Variants in PCDHGA12 observed in about 807,000 individuals in gnomAD.
PCDHGA12 encodes the protein protocadherin gamma subfamily A, 12, also known as protocadherin gamma-A12.
In PCDHGA12, 43 loss-of-function variants were observed where a neutral mutation model predicts 61.1. The observed-to-expected ratio is 0.70, with a 90% CI of 0.55 to 0.91. The LOEUF (loss-of-function observed/expected upper bound fraction) is 0.91, where lower values mean the gene tolerates loss of function less well. Ranked by LOEUF, PCDHGA12 falls within the 40% of genes least tolerant of loss-of-function variation. The pLI is 0.00. For synonymous variants in PCDHGA12, 520 were observed against 542.9 expected, an observed-to-expected ratio of 0.96 and a Z score of 0.59; for missense variants, 1,236 against 1,227.7, an observed-to-expected ratio of 1.01 and a Z score of -0.10.
At chr5:141,508,664 T>C (rs1381178258) in intron 3 of PCDHGA12, among the ~76,000 whole-genome samples, 1 of 152,030 alleles carries the variant, frequency 6.6e-6, no homozygotes, top group Non-Finnish European at 1.5e-5. Context: ...TGTCATTCTG[T>C]CTCTGCCTCC....
Position 141,464,284 on chromosome 5 carries a change from A to C in PCDHGA12, c.2425-30523A>C, listed in dbSNP as rs1237360752. ...CGTCTAAAAAAAAAAAAAAGCAAAA[A>C]AAAAAACTCCATTGTATGTGCACAT... On this transcript the variant is annotated intron_variant, in intron 1 of 3. Coordinates refer to ENST00000252085, the MANE Select transcript of PCDHGA12 (RefSeq NM_003735.3). 4.0e-5 allele frequency among the ~76,000 whole-genome samples: 6 copies of C among 151,546 alleles called. No individual in the cohort carries two copies. The South Asian group carries it at 1.0e-3, about 26-fold the overall frequency.
chr5:141,460,766 A>G (rs1370331016), intron 1 of PCDHGA12, among the ~76,000 whole-genome samples: 1 of 152,056 alleles, frequency 6.6e-6, no homozygotes, highest in Non-Finnish European at 1.5e-5. Flanking sequence ...TACATATTGC[A>G]TATGTATGTA....
chr5:141,491,284 A>C lies in PCDHGA12; in HGVS notation c.2425-3523A>C. ...AATGCCCAAATCCAGTGACTTCCTC[A>C]TACACCCTCCTGAGCGTTCAGACCT... On this transcript the variant is annotated intron_variant, in intron 1 of 3. Transcript: ENST00000252085. The surrounding 1 kb of genome is among the most constrained non-coding windows in gnomAD (Gnocchi z 6.9). 1.2e-6 allele frequency: 2 copies of C among 1,614,128 alleles called. No homozygotes were observed. The highest frequency in any genetic ancestry group is 1.7e-6 in the Non-Finnish European group (2 of 1,179,978).
At position 141,490,124 on chromosome 5, in the gene PCDHGA12, T is replaced by C. The variant is rs1216088470; in HGVS notation, c.2425-4683T>C. On this transcript the variant is annotated intron_variant, in intron 1 of 3. Transcript: ENST00000252085. The surrounding 1 kb of genome is among the most constrained non-coding windows in gnomAD (Gnocchi z 5.4). ...GAGGCAGTGCGGAACCTCTTTGGCCTAGACCCTAGCAGTGGGGCAATCCAT... is the reference window on the plus strand; with the variant it reads ...GAGGCAGTGCGGAACCTCTTTGGCCCAGACCCTAGCAGTGGGGCAATCCAT... 6.2e-7 allele frequency: 1 copy of C among 1,614,144 alleles called. No individual in the cohort carries two copies. Among genetic ancestry groups the C allele is most frequent in the Non-Finnish European group, 8.5e-7 (1 of 1,180,054 alleles).
In PCDHGA12 at chr5:141,505,471, G is replaced by A. The variant is rs766596231; in HGVS notation, c.2562G>A (p.Ala854=). The A allele has an allele frequency of 3.4e-5, 55 of 1,614,244 alleles. No individual in the cohort carries two copies. The highest frequency in any genetic ancestry group is 1.1e-4 in the East Asian group (5 of 44,880). ...AGATGCTGCAAGCCATGATCTTGGCGTCCGCCAGTGGTAAGTGGTGTCAGT... is the reference window on the plus strand; with the variant it reads ...AGATGCTGCAAGCCATGATCTTGGCATCCGCCAGTGGTAAGTGGTGTCAGT... ...DTEMLQAMIL[A]SASEAADGSS... Residue 854 remains alanine (A), a synonymous_variant, in exon 3 of 4, where the codon GCG becomes GCA. Coordinates refer to ENST00000252085, the MANE Select transcript of PCDHGA12 (RefSeq NM_003735.3).
At chr5:141,500,782 T>G (rs2099802612) in intron 2 of PCDHGA12, among the ~76,000 whole-genome samples, 2 of 152,222 alleles carry the variant, frequency 1.3e-5, no homozygotes, top group Admixed American at 1.3e-4. Context: ...ATATACATAT[T>G]ATTTTACAGA....
chr5:141,450,565 C>A (rs1024229182), intron 1 of PCDHGA12, among the ~76,000 whole-genome samples: 4 of 152,016 alleles, frequency 2.6e-5, no homozygotes, highest in African/African-American at 9.7e-5. Flanking sequence ...CGGCTCACTG[C>A]AACTTCTGCC....
Position 141,430,865 on chromosome 5 carries a change from C to G in PCDHGA12, c.106C>G (p.Pro36Ala). Residue 36 changes from proline to alanine, a missense_variant, in exon 1 of 4, where the codon CCG becomes GCG. By Grantham distance (27) the Pro-to-Ala change is conservative. Transcript: ENST00000252085. ...TGCTQIRYSV[P>A]EELEKGSRVG... ...ATGCACCCAGATACGCTATTCAGTT[C>G]CGGAAGAGCTGGAGAAAGGCTCTAG... is the stretch of plus-strand genomic sequence containing the variant. 6.3e-7 allele frequency: 1 copy of G among 1,595,350 alleles called. No homozygotes were observed. Among genetic ancestry groups the G allele is most frequent in the Non-Finnish European group, 8.5e-7 (1 of 1,172,194 alleles).
chr5:141,492,695 A>G (rs925499358), intron 1 of PCDHGA12, among the ~76,000 whole-genome samples: 14 of 152,214 alleles, frequency 9.2e-5, no homozygotes, highest in African/African-American at 3.1e-4. Context: ...CGACCCCTCA[A>G]CCCAGAAGCC....
chr5:141,434,073 A>G (rs1372471160), intron 1 of PCDHGA12, among the ~76,000 whole-genome samples: 2 of 152,058 alleles, frequency 1.3e-5, no homozygotes, highest in African/African-American at 4.8e-5. Flanking sequence ...GTTAATATCA[A>G]TTATTTATTT....
chr5:141,510,032 T>C (rs1410346284), intron 3 of PCDHGA12, among the ~76,000 whole-genome samples: 3 of 152,150 alleles, frequency 2.0e-5, no homozygotes, highest in Non-Finnish European at 4.4e-5. Flanking sequence ...GCTGGGCTGT[T>C]ATGTAGAGGT....
At chr5:141,492,952 C>T (rs1428667098) in intron 1 of PCDHGA12, among the ~76,000 whole-genome samples, 1 of 152,242 alleles carries the variant, frequency 6.6e-6, no homozygotes, top group Non-Finnish European at 1.5e-5. Context: ...GGTGACCAAA[C>T]TATCTGACAC....
At chr5:141,484,425 A>G (rs2099596309) in intron 1 of PCDHGA12, among the ~76,000 whole-genome samples, 3 of 152,192 alleles carry the variant, frequency 2.0e-5, no homozygotes, top group African/African-American at 7.2e-5. Flanking sequence ...TACAATGAGA[A>G]CATGTACTGC....
Position 141,489,138 on chromosome 5 carries a change from T to C in PCDHGA12, c.2425-5669T>C. 1.4e-6 allele frequency: 1 copy of C among 738,808 alleles called. No homozygotes were observed. The highest frequency in any genetic ancestry group is 3.0e-5 in the Admixed American group (1 of 33,014). The allele number at this position is 738,808 out of a possible 1,614,324, so 45.8% of individuals were successfully genotyped here. On this transcript the variant is annotated intron_variant, in intron 1 of 3. Transcript: ENST00000252085. This position sits in a 1 kb window ranked among gnomAD's most constrained non-coding sequence, Gnocchi z 4.5. ...AACCTCCGAGCAGTTTTTAAGAGGC[T>C]GGAAGGAGACATAAGAGACTTCAGC...
chr5:141,488,186 G>T (rs1005725656), intron 1 of PCDHGA12, among the ~76,000 whole-genome samples: 2 of 152,180 alleles, frequency 1.3e-5, no homozygotes, highest in South Asian at 2.1e-4. Context: ...AGATCTTTTG[G>T]TCTGGGTCTT....
rs1408248560 is a variant in PCDHGA12 at position 141,475,829 on chromosome 5, G to C, written c.2425-18978G>C. On this transcript the variant is annotated intron_variant, in intron 1 of 3. Coordinates refer to ENST00000252085, the MANE Select transcript of PCDHGA12 (RefSeq NM_003735.3). ...AAAGTGAAGTTCCTGGCGCTAGCGC[G>C]TGTCCTGCTCAGAGAGCCCGGCGCT... The C allele has an allele frequency of 1.0e-5, 4 of 386,748 alleles. No individual in the cohort carries two copies. In the South Asian group the frequency reaches 1.4e-4, roughly 14 times the overall value. The allele number at this position is 386,748 out of a possible 1,614,324, so 24.0% of individuals were successfully genotyped here. A position where few individuals can be genotyped will look rare whatever the true frequency, so the allele number is the denominator to read the frequency against.
intron 3 of PCDHGA12, among the ~76,000 whole-genome samples, chr5:141,507,802 T>G (rs886950696): frequency 6.6e-6 from 1 of 152,204 alleles, no homozygotes; most frequent in African/African-American, 2.4e-5. Context: ...GCCTGCGCCC[T>G]GGGGAACGGA....
intron 1 of PCDHGA12, among the ~76,000 whole-genome samples, chr5:141,488,613 A>C (rs1214413025): frequency 1.3e-5 from 2 of 152,158 alleles, no homozygotes; most frequent in Non-Finnish European, 2.9e-5. Flanking sequence ...GTTCTTACTA[A>C]TCTTTTCTCT....
Position 141,486,902 on chromosome 5 carries a change from C to T in PCDHGA12, c.2425-7905C>T, listed in dbSNP as rs2099636761. On this transcript the variant is annotated intron_variant, in intron 1 of 3. Transcript: ENST00000252085. This position sits in a 1 kb window ranked among gnomAD's most constrained non-coding sequence, Gnocchi z 5.0. ...TCGGGCCCGGCCTGGTTCCTTATGT[C>T]CCCAAGCACTGCCTCCATCAGTTGG... 1 of 1,614,226 alleles carries T rather than the reference C, an allele frequency of 6.2e-7. No individual in the cohort carries two copies. The highest frequency in any genetic ancestry group is 8.5e-7 in the Non-Finnish European group (1 of 1,180,044).
Sources: allele counts gnomAD v4.1 joint callset (sites outside exome capture counted in the v4.1 genomes callset), GRCh38; gene constraint gnomAD v4.1.1; non-coding constraint Gnocchi (gnomAD v3.1); transcripts MANE v1.5; gene names NCBI Gene and HGNC (gene_info 2026-07-23, HGNC 2026-07-21).